B4GALNT4: variants seen among roughly 807,000 people sequenced by gnomAD.
The protein encoded by B4GALNT4 is beta-1,4-N-acetyl-galactosaminyltransferase 4.
A neutral mutation model predicts 110.0 loss-of-function variants in B4GALNT4; 77 were observed. The ratio of observed to expected loss-of-function variants is 0.70; its 90% confidence interval spans 0.58 to 0.85. B4GALNT4 has a LOEUF of 0.85. B4GALNT4 is among the 40% of genes least tolerant of loss of function. The pLI is 0.00. For synonymous variants in B4GALNT4, 785 were observed against 655.5 expected, an observed-to-expected ratio of 1.20 and a Z score of -3.02; for missense variants, 1,575 against 1,506.0, an observed-to-expected ratio of 1.05 and a Z score of -0.76.
At position 377,328 on chromosome 11, in the gene B4GALNT4, G is replaced by C. The variant is rs1291861500; in HGVS notation, c.2204+1G>C. On this transcript the variant is annotated splice_donor_variant, in intron 14 of 19. Coordinates refer to ENST00000329962, the MANE Select transcript of B4GALNT4 (RefSeq NM_178537.5). LOFTEE classifies it high-confidence loss of function. ...AGCGGCTGAACGCGCGCCACGGCGG[G>C]TATGGGGGCGGCCGAACGCGCGCCA... 12 of 1,522,052 alleles carry C rather than the reference G, an allele frequency of 7.9e-6. No homozygotes were observed. Among genetic ancestry groups the C allele is most frequent in the Non-Finnish European group, 9.7e-6 (11 of 1,138,336 alleles). The allele number at this position is 1,522,052 out of a possible 1,614,324, so 94.3% of individuals were successfully genotyped here. A position where few individuals can be genotyped will look rare whatever the true frequency, so the allele number is the denominator to read the frequency against.
chr11:370,860 T>A (rs1846605097), intron 1 of B4GALNT4, among the ~76,000 whole-genome samples: 1 of 152,044 alleles, frequency 6.6e-6, no homozygotes, highest in Non-Finnish European at 1.5e-5. Context: ...CCAAAGCCCC[T>A]GTGTTCTCTT....
rs1030983275 is a variant in B4GALNT4 at position 373,736 on chromosome 11, C to T, written c.705-14C>T. The T allele has an allele frequency of 3.1e-6, 5 of 1,611,702 alleles. No individual in the cohort carries two copies. The Admixed American group carries it at 8.3e-5, about 27-fold the overall frequency. On this transcript the variant is annotated splice_polypyrimidine_tract_variant and intron_variant, in intron 7 of 19. Coordinates refer to ENST00000329962, the MANE Select transcript of B4GALNT4 (RefSeq NM_178537.5). ...TCCTGTGCATGGCACGACCCTTGCT[C>T]CTCGTGTCCCCAGGCTCATGGCCTC... is the stretch of plus-strand genomic sequence containing the variant.
intron 8 of B4GALNT4, 100 bp downstream of exon 8, chr11:373,928 A>G: frequency 8.0e-7 from 1 of 1,245,848 alleles, no homozygotes; most frequent in Non-Finnish European, 1.1e-6. Flanking sequence ...TTGACAAAGC[A>G]GATGGTCAGG....
At chr11:374,185 G>A (rs1039758419) in intron 8 of B4GALNT4, among the ~76,000 whole-genome samples, 5 of 152,116 alleles carry the variant, frequency 3.3e-5, no homozygotes, top group Admixed American at 6.5e-5. Flanking sequence ...CAGATCAGGC[G>A]GGGCCTGAGC....
intron 14 of B4GALNT4, 89 bp downstream of exon 14, chr11:377,416 AC>A (rs1846782181): frequency 7.4e-7 from 1 of 1,355,292 alleles, no homozygotes; most frequent in Admixed American, 3.2e-5. Flanking sequence ...GACTCCTCAG[AC>A]CTTCCCCAGG....
In B4GALNT4 at chr11:376,154, G is replaced by A. The variant is rs1394040060; in HGVS notation, c.1176G>A (p.Glu392=). Residue 392 remains glutamate (E), a synonymous_variant, in exon 12 of 20, where the codon GAG becomes GAA. Transcript: ENST00000329962. ...CGGACAACAAGTGCTTCTACCGCGA[G>A]TCTCCGCTGTATCTGGAGAGGTGGG... The part of the protein sequence containing the change: ...METDNKCFYR[E]SPLYLERFGF... 1.3e-6 allele frequency: 2 copies of A among 1,593,094 alleles called. No individual in the cohort carries two copies.
intron 7 of B4GALNT4, 65 bp downstream of exon 7, chr11:373,581 T>A: frequency 6.4e-7 from 1 of 1,567,434 alleles, no homozygotes; most frequent in Non-Finnish European, 8.8e-7. Flanking sequence ...ACGCGCTGTC[T>A]CCTTATCCTG....
At chr11:373,624 G>A (rs921340107) in intron 7 of B4GALNT4, 108 bp downstream of exon 7, 48 of 1,515,316 alleles carry the variant, frequency 3.2e-5, no homozygotes, top group Admixed American at 1.9e-4. Flanking sequence ...ACGAGCACCC[G>A]CCCGGCCAAG....
At chr11:380,739 C>T in intron 18 of B4GALNT4, 86 bp from the exon 19 acceptor site, 1 of 1,604,818 alleles carries the variant, frequency 6.2e-7, no homozygotes, top group Non-Finnish European at 8.5e-7. Flanking sequence ...CACCTGACCC[C>T]TCCCGAGGTC....
chr11:379,643 C>T lies in B4GALNT4; in HGVS notation c.2430C>T (p.Leu810=). The part of the protein sequence containing the change: ...ASVRPDGRPE[L]CRPLRLAWRQ... ...TGCGCCCCGACGGCCGCCCCGAGCT[C>T]TGCCGGCCACTGCGCCTGGCCTGGC... The change falls in exon 15 of 20, where the codon CTC becomes CTT. Residue 810 remains leucine, a synonymous_variant. Coordinates refer to ENST00000329962, the MANE Select transcript of B4GALNT4 (RefSeq NM_178537.5). The T allele has an allele frequency of 1.3e-6, 2 of 1,505,064 alleles. No homozygotes were observed. Among genetic ancestry groups the T allele is most frequent in the East Asian group, 2.3e-5 (1 of 42,596 alleles). 93.2% of individuals were successfully genotyped at this position (1,505,064 alleles called of 1,614,324 possible). A position where few individuals can be genotyped will look rare whatever the true frequency, so the allele number is the denominator to read the frequency against.
chr11:371,758 G>C (rs1048557949), intron 1 of B4GALNT4, among the ~76,000 whole-genome samples: 3 of 152,260 alleles, frequency 2.0e-5, no homozygotes, highest in African/African-American at 7.2e-5. Flanking sequence ...CCTGGAGGCA[G>C]AGCCACTCAA....
rs1224094553 is a variant in B4GALNT4 at position 379,522 on chromosome 11, G to A, written c.2309G>A (p.Arg770His). The A allele has an allele frequency of 1.9e-6, 3 of 1,580,960 alleles. No homozygotes were observed. Among genetic ancestry groups the A allele is most frequent in the Admixed American group, 1.8e-5 (1 of 55,194 alleles). ...GAGCTGCAGGAGCGCGGGGGCGGCC[G>A]CCTGCGACTGTCCGAGTACGTCTTC... is the stretch of plus-strand genomic sequence containing the variant. ...ELELQERGGGRLRLSEYVFLR... is the reference protein window; with the variant it reads ...ELELQERGGGHLRLSEYVFLR... The change falls in exon 15 of 20, where the codon CGC becomes CAC. Residue 770 changes from arginine (R) to histidine (H), a missense_variant. By Grantham distance (29) the Arg-to-His change is conservative (BLOSUM62 0). Coordinates refer to ENST00000329962, the MANE Select transcript of B4GALNT4 (RefSeq NM_178537.5).
chr11:373,429 C>A lies in B4GALNT4; in HGVS notation c.637-20C>A. 4 of 1,538,368 alleles carry A rather than the reference C, an allele frequency of 2.6e-6. No homozygotes were observed. The highest frequency in any genetic ancestry group is 1.1e-5 in the South Asian group (1 of 89,132). On this transcript the variant is annotated intron_variant, in intron 6 of 19. Coordinates refer to ENST00000329962, the MANE Select transcript of B4GALNT4 (RefSeq NM_178537.5). ...GTGAACCCCCCCCCCCACCACCACCCCTGCTCTATCACCCCCCAGACTGGC... is the reference window on the plus strand; with the variant it reads ...GTGAACCCCCCCCCCCACCACCACCACTGCTCTATCACCCCCCAGACTGGC...
At chr11:370,355 C>T (rs1165850444) in intron 1 of B4GALNT4, among the ~76,000 whole-genome samples, 1 of 152,150 alleles carries the variant, frequency 6.6e-6, no homozygotes, top group East Asian at 1.9e-4. Context: ...GCCTCCACCC[C>T]CTGCCCGCTT....
chr11:380,520 G>T (rs1846853561), intron 18 of B4GALNT4, 75 bp downstream of exon 18: 2 of 1,521,972 alleles, frequency 1.3e-6, no homozygotes, highest in Middle Eastern at 1.7e-4. Flanking sequence ...GGAACCCGGG[G>T]CCTCTCTCAA....
chr11:377,629 A>G (rs561707570), intron 14 of B4GALNT4, among the ~76,000 whole-genome samples: 1 of 152,302 alleles, frequency 6.6e-6, no homozygotes, highest in East Asian at 1.9e-4. Flanking sequence ...GGGCCCAGGG[A>G]TGAGTCCAAG....
chr11:372,639 C>T lies in B4GALNT4; in HGVS notation c.256-23C>T, dbSNP rs1482504559. 64 of 1,601,724 alleles carry T rather than the reference C, an allele frequency of 4.0e-5. No homozygotes were observed. In the East Asian group the frequency reaches 1.4e-3, roughly 36 times the overall value. On this transcript the variant is annotated intron_variant, in intron 2 of 19. Coordinates refer to ENST00000329962, the MANE Select transcript of B4GALNT4 (RefSeq NM_178537.5). ...CCTCCCTGCCCTTCCAACCCTGACC[C>T]TGTTGCCTTTTCTCTCCTGCAGCCC...
Position 376,585 on chromosome 11 carries a change from C to G in B4GALNT4, c.1462C>G (p.Pro488Ala), listed in dbSNP as rs1197593494. ...TPPRPRDGGTPRHSRALSWAA... is the reference protein window; with the variant it reads ...TPPRPRDGGTARHSRALSWAA... The stretch of plus-strand genomic sequence containing the variant: ...TCCCCGCCCCCGGGACGGGGGGACC[C>G]CCAGGCACTCCCGGGCCCTGAGCTG... Residue 488 changes from proline (P) to alanine (A), a missense_variant, in exon 14 of 20, where the codon CCC (proline) becomes GCC (alanine). By Grantham distance (27) the Pro-to-Ala change is conservative. Coordinates refer to ENST00000329962, the MANE Select transcript of B4GALNT4 (RefSeq NM_178537.5). 7.4e-7 allele frequency: 1 copy of G among 1,358,950 alleles called. No individual in the cohort carries two copies. The highest frequency in any genetic ancestry group is 9.4e-7 in the Non-Finnish European group (1 of 1,064,206). The allele number at this position is 1,358,950 out of a possible 1,614,324, so 84.2% of individuals were successfully genotyped here. A position where few individuals can be genotyped will look rare whatever the true frequency, so the allele number is the denominator to read the frequency against.
chr11:372,683 A>G lies in B4GALNT4; in HGVS notation c.277A>G (p.Met93Val), dbSNP rs1479320170. Residue 93 changes from methionine to valine, a missense_variant, in exon 3 of 20, where the codon ATG becomes GTG. By Grantham distance (21) the Met-to-Val change is conservative. Coordinates refer to ENST00000329962, the MANE Select transcript of B4GALNT4 (RefSeq NM_178537.5). Reference sequence around the variant, plus strand: ...GCAGCCCGAAGGTCGGGACCTAGACATGCTGTTTCCTGGGGGGGCTGGGAG... The same window carrying G: ...GCAGCCCGAAGGTCGGGACCTAGACGTGCTGTTTCCTGGGGGGGCTGGGAG... ...EQAPEGRDLD[M>V]LFPGGAGRLP... 8 of 1,611,678 alleles carry G rather than the reference A, an allele frequency of 5.0e-6. No individual in the cohort carries two copies. In the African/African-American group the frequency reaches 9.4e-5, roughly 19 times the overall value.
Sources: allele counts gnomAD v4.1 joint callset (sites outside exome capture counted in the v4.1 genomes callset), GRCh38; gene constraint gnomAD v4.1.1; transcripts MANE v1.5; gene names NCBI Gene and HGNC (gene_info 2026-07-23, HGNC 2026-07-21).